The following AFF3 variants were observed in gnomAD, a reference collection of about 807,000 sequenced individuals.
AFF3 encodes ALF transcription elongation factor 3.
In AFF3, 32 loss-of-function variants were observed where a neutral mutation model predicts 129.7. The observed-to-expected ratio is 0.25, with a 90% CI of 0.19 to 0.33. The LOEUF is 0.33. Among genes scored for constraint, AFF3 ranks in the 10% least tolerant of loss-of-function variants. The pLI is 1.00. For missense variants in AFF3, 1,373 were observed against 1,592.0 expected (o/e 0.86, Z 2.34); for synonymous variants, 644 against 635.4 (o/e 1.01, Z -0.20).
chr2:99,915,269 G>A (rs1304919146), intron 7 of AFF3, among the ~76,000 whole-genome samples: 2 of 152,104 alleles, frequency 1.3e-5, no homozygotes, highest in African/African-American at 4.8e-5. Flanking sequence ...GAGCCACATG[G>A]ATCAATAGGG....
intron 12 of AFF3, among the ~76,000 whole-genome samples, chr2:99,656,605 C>G (rs112631549): frequency 6.6e-6 from 1 of 152,092 alleles, no homozygotes; most frequent in Non-Finnish European, 1.5e-5. Context: ...ATTTATTTCA[C>G]GGTTTAATTT....
chr2:99,728,196 T>G (rs1679516387), intron 10 of AFF3, among the ~76,000 whole-genome samples: 1 of 152,206 alleles, frequency 6.6e-6, no homozygotes, highest in African/African-American at 2.4e-5. Flanking sequence ...AGGAGTTTCT[T>G]TGTATTTCCT....
chr2:100,116,844 G>A (rs1691754397), intron 2 of AFF3, among the ~76,000 whole-genome samples: 3 of 151,996 alleles, frequency 2.0e-5, no homozygotes, highest in African/African-American at 7.2e-5. Flanking sequence ...TTCCACTGGT[G>A]AACAATTCTC....
chr2:100,056,059 TCTCTCACACA>T lies in AFF3; in HGVS notation c.54-47137_54-47128del, dbSNP rs1251615451. Among the ~76,000 whole-genome samples the T allele has an allele frequency of 2.8e-4, 32 of 114,674 alleles. No homozygotes were observed. In the East Asian group the frequency reaches 5.2e-3, roughly 19 times the overall value. 75.2% of individuals were successfully genotyped at this position (114,674 alleles called of 152,430 possible). A position where few individuals can be genotyped will look rare whatever the true frequency, so the allele number is the denominator to read the frequency against. On this transcript the variant is annotated intron_variant, in intron 4 of 24. Coordinates refer to ENST00000672756, the MANE Select transcript of AFF3 (RefSeq NM_001386135.1). ...GAACAAAAAAAAAAATCGCTGTCTC[TCTCTCACACA>T]CACACACACACACACACACACACAC...
intron 4 of AFF3, among the ~76,000 whole-genome samples, chr2:100,059,437 GAC>G (rs1687068746): frequency 6.6e-6 from 1 of 152,030 alleles, no homozygotes; most frequent in Non-Finnish European, 1.5e-5. Context: ...ATATCAAAAA[GAC>G]ACATAATTAA....
intron 4 of AFF3, among the ~76,000 whole-genome samples, chr2:100,020,438 A>G (rs1350767173): frequency 1.3e-5 from 2 of 151,368 alleles, no homozygotes; most frequent in Non-Finnish European, 2.9e-5. Flanking sequence ...ACTCTCCAAG[A>G]CTCACTCAAA....
At chr2:99,730,277 A>G (rs1414533563) in intron 10 of AFF3, among the ~76,000 whole-genome samples, 1 of 152,188 alleles carries the variant, frequency 6.6e-6, no homozygotes, top group Non-Finnish European at 1.5e-5. Context: ...TTAAAAAATT[A>G]TAACAGTTAC....
intron 15 of AFF3, among the ~76,000 whole-genome samples, chr2:99,588,767 G>A (rs1678372529): frequency 6.6e-6 from 1 of 152,210 alleles, no homozygotes; most frequent in South Asian, 2.1e-4. Context: ...CAGGGCTCCA[G>A]CAGGGCGAGA....
At chr2:99,803,407 C>A (rs779245357) in intron 8 of AFF3, among the ~76,000 whole-genome samples, 2 of 151,918 alleles carry the variant, frequency 1.3e-5, no homozygotes, top group African/African-American at 4.8e-5. Context: ...AGGGGAGCTA[C>A]AAAACACTAC....
At chr2:99,752,447 T>A in intron 8 of AFF3, 146 bp from the exon 9 acceptor site, 2 of 640,182 alleles carry the variant, frequency 3.1e-6, no homozygotes, top group South Asian at 4.3e-5. Context: ...TAAAAAAAGA[T>A]GTGAAATCCA....
intron 7 of AFF3, among the ~76,000 whole-genome samples, chr2:100,000,232 GTTGA>G (rs1468647721): frequency 6.6e-6 from 1 of 152,100 alleles, no homozygotes; most frequent in Non-Finnish European, 1.5e-5. Flanking sequence ...CTCAAATCTT[GTTGA>G]TTTAGTATTT....
At chr2:99,642,208 C>G (rs1684269942) in intron 13 of AFF3, among the ~76,000 whole-genome samples, 1 of 152,094 alleles carries the variant, frequency 6.6e-6, no homozygotes, top group Non-Finnish European at 1.5e-5. Flanking sequence ...AGAGACTTCT[C>G]GATAGCATCA....
At chr2:99,929,783 G>T (rs985295467) in intron 7 of AFF3, among the ~76,000 whole-genome samples, 16 of 152,164 alleles carry the variant, frequency 1.1e-4, no homozygotes, top group African/African-American at 3.1e-4. Flanking sequence ...GCTTTAAAAT[G>T]GCATTTCTGA....
At chr2:99,583,998 C>A (rs1211059526) in intron 16 of AFF3, among the ~76,000 whole-genome samples, 4 of 152,130 alleles carry the variant, frequency 2.6e-5, no homozygotes, top group Non-Finnish European at 5.9e-5. Context: ...CTACCGTGCC[C>A]AGTCCATATT....
intron 7 of AFF3, among the ~76,000 whole-genome samples, chr2:99,905,144 A>C (rs565395443): frequency 1.3e-5 from 2 of 152,294 alleles, no homozygotes; most frequent in East Asian, 3.9e-4. Context: ...GGCAGCATCA[A>C]GGGTTGTGTT....
chr2:100,125,568 G>A (rs956328674), intron 2 of AFF3, among the ~76,000 whole-genome samples: 6 of 152,140 alleles, frequency 3.9e-5, no homozygotes, highest in African/African-American at 1.2e-4. Flanking sequence ...GAGGTGAAGA[G>A]AAGGGCCAGG....
intron 8 of AFF3, among the ~76,000 whole-genome samples, chr2:99,821,018 G>A (rs978034483): frequency 1.3e-5 from 2 of 151,650 alleles, no homozygotes; most frequent in Admixed American, 1.3e-4. Flanking sequence ...GATTACAGGT[G>A]CACGCCACCA....
chr2:99,985,377 C>T (rs905377588), intron 7 of AFF3, among the ~76,000 whole-genome samples: 4 of 152,262 alleles, frequency 2.6e-5, no homozygotes, highest in Admixed American at 2.6e-4. Flanking sequence ...CTACCCATTT[C>T]TTTTACTCAT....
intron 4 of AFF3, among the ~76,000 whole-genome samples, chr2:100,067,131 T>C (rs527494777): frequency 6.0e-4 from 91 of 150,652 alleles, no homozygotes; most frequent in Non-Finnish European, 1.2e-3. Context: ...CCATAATTCA[T>C]TCCCCCTTAC....
Sources: gnomAD v4.1 joint callset for allele counts (sites outside exome capture counted in the v4.1 genomes callset) on GRCh38, gnomAD v4.1.1 for gene constraint, MANE v1.5 for transcripts, NCBI Gene and HGNC (gene_info 2026-07-23, HGNC 2026-07-21) for gene names.